Variants in GEMIN4 observed in about 807,000 individuals in gnomAD.
GEMIN4 encodes gem-associated protein 4.
A neutral mutation model predicts 76.8 loss-of-function variants in GEMIN4; 59 were observed. The observed-to-expected ratio is 0.77, with a 90% CI of 0.62 to 0.95. GEMIN4 has a LOEUF of 0.95. Ranked by LOEUF, GEMIN4 falls within the 40% of genes least tolerant of loss-of-function variation. GEMIN4 has a pLI of 0.00. For missense variants in GEMIN4, 1,311 were observed against 1,318.9 expected, an observed-to-expected ratio of 0.99 and a Z score of 0.09; for synonymous variants, 562 against 559.7, an observed-to-expected ratio of 1.00 and a Z score of -0.06.
In GEMIN4 at chr17:752,229, G is replaced by A; in HGVS notation, c.-87C>T. ...GCGCGGGACGCACGGCACGATGGGA[G>A]ACGCAGGAGCCACGGCGGCCGCGCT... On this transcript the variant is annotated 5_prime_UTR_variant, in exon 1 of 2. Transcript: ENST00000319004. 1 of 1,229,076 alleles carries A rather than the reference G, an allele frequency of 8.1e-7. No homozygotes were observed. The highest frequency in any genetic ancestry group is 4.1e-5 in the South Asian group (1 of 24,274). 76.1% of individuals were successfully genotyped at this position (1,229,076 alleles called of 1,614,324 possible). A position where few individuals can be genotyped will look rare whatever the true frequency, so the allele number is the denominator to read the frequency against.
rs1974336464 is a variant in GEMIN4, at chr17:745,042, G to A, written c.3001C>T (p.Leu1001Phe). Reference protein sequence around the residue: ...AMLHPEVCEPLYVLALETLTC... With the variant: ...AMLHPEVCEPFYVLALETLTC... ...AGGGTTTCCAAGGCTAAAACGTAGA[G>A]TGGCTCACAGACCTCCGGGTGGAGC... Residue 1001 changes from leucine (L) to phenylalanine (F), a missense_variant, in exon 2 of 2, where the codon CTC (leucine) becomes TTC (phenylalanine). This residue lies in a region of GEMIN4 where 1,208 missense variants were observed against 1,166.9 expected (regional missense o/e 1.04). Coordinates refer to ENST00000319004, the MANE Select transcript of GEMIN4 (RefSeq NM_015721.3). The surrounding 1 kb of genome is among the most constrained non-coding windows in gnomAD (Gnocchi z 4.6). The A allele has an allele frequency of 6.2e-7, 1 of 1,613,878 alleles. No individual in the cohort carries two copies. Among genetic ancestry groups the A allele is most frequent in the Admixed American group, 1.7e-5 (1 of 60,002 alleles).
Position 746,213 on chromosome 17 carries a change from G to A in GEMIN4, c.1830C>T (p.Thr610=), listed in dbSNP as rs758056773. The change falls in exon 2 of 2, where the codon ACC becomes ACT. Residue 610 remains threonine, a synonymous_variant. Transcript: ENST00000319004. This position sits in a 1 kb window ranked among gnomAD's most constrained non-coding sequence, Gnocchi z 4.3. ...TGGGTGTAGAGAACTTCATCCAGACGGTTTCTTTGAGGCATGACACCATGA... is the reference window on the plus strand; with the variant it reads ...TGGGTGTAGAGAACTTCATCCAGACAGTTTCTTTGAGGCATGACACCATGA... The part of the protein sequence containing the change: ...ATFMVSCLKE[T]VWMKFSTPKE... 15 of 1,613,654 alleles carry A rather than the reference G, an allele frequency of 9.3e-6. No individual in the cohort carries two copies. The highest frequency in any genetic ancestry group is 4.4e-5 in the South Asian group (4 of 91,082).
In GEMIN4 at chr17:745,296, A is replaced by AG; in HGVS notation, c.2746dup (p.Leu916ProfsTer11). ...GCTGCAGAGAAACTGGAAAGTCCTCAGGAAGAGGACGGAGAGTTGCAACTC... is the reference window on the plus strand; with the variant it reads ...GCTGCAGAGAAACTGGAAAGTCCTCAGGGAAGAGGACGGAGAGTTGCAACTC... On this transcript the variant is annotated frameshift_variant, in exon 2 of 2. Coordinates refer to ENST00000319004, the MANE Select transcript of GEMIN4 (RefSeq NM_015721.3). LOFTEE classifies it high-confidence loss of function. The surrounding 1 kb of genome is among the most constrained non-coding windows in gnomAD (Gnocchi z 4.6). 3 of 1,611,914 alleles carry AG rather than the reference A, an allele frequency of 1.9e-6. No individual in the cohort carries two copies. The highest frequency in any genetic ancestry group is 2.2e-5 in the South Asian group (2 of 90,978).
Position 747,220 on chromosome 17 carries a change from C to T in GEMIN4, c.823G>A (p.Val275Met), listed in dbSNP as rs759122680. 2.5e-6 allele frequency: 4 copies of T among 1,613,750 alleles called. No homozygotes were observed. The highest frequency in any genetic ancestry group is 1.1e-5 in the South Asian group (1 of 91,084). Reference protein sequence around the residue: ...YLDKLATVISVWNSDTQNPYH... With the variant: ...YLDKLATVISMWNSDTQNPYH... ...GGATTCTGGGTGTCCGAGTTCCACA[C>T]AGAGATCACCGTGGCCAGTTTGTCC... The change falls in exon 2 of 2, where the codon GTG (valine) becomes ATG (methionine). Residue 275 changes from valine (V) to methionine (M), a missense_variant. Transcript: ENST00000319004.
At chr17:748,126 G>C (rs888734551) in intron 1 of GEMIN4, 94 bp from the exon 2 acceptor site, 4 of 964,240 alleles carry the variant, frequency 4.1e-6, no homozygotes, top group Non-Finnish European at 6.1e-6. Context: ...GATGACAAGG[G>C]TTTTAAAGGA....
chr17:747,455 G>C lies in GEMIN4; in HGVS notation c.588C>G (p.Phe196Leu), dbSNP rs200591358. 1 of 1,613,852 alleles carries C rather than the reference G, an allele frequency of 6.2e-7. No individual in the cohort carries two copies. The highest frequency in any genetic ancestry group is 1.3e-5 in the African/African-American group (1 of 75,052). The change falls in exon 2 of 2, where the codon TTC becomes TTG. Residue 196 changes from phenylalanine (F) to leucine (L), a missense_variant. By Grantham distance (22) the Phe-to-Leu change is conservative. Coordinates refer to ENST00000319004, the MANE Select transcript of GEMIN4 (RefSeq NM_015721.3). Reference sequence around the variant, plus strand: ...ACCTAAGCCTCTTTGGAGGATGGGGGAACTCATCTAAGGCAGGCAGGTACT... The same window carrying C: ...ACCTAAGCCTCTTTGGAGGATGGGGCAACTCATCTAAGGCAGGCAGGTACT... ...AHKYLPALDE[F>L]PHPPKRLRSD...
rs756309471 is a variant in GEMIN4 at position 745,107 on chromosome 17, TAAAC to T, written c.2932_2935del (p.Val978ThrfsTer26). The T allele has an allele frequency of 6.2e-7, 1 of 1,611,942 alleles. No individual in the cohort carries two copies. Among genetic ancestry groups the T allele is most frequent in the Non-Finnish European group, 8.5e-7 (1 of 1,179,136 alleles). ...CAGAGCATGGCAGAACACCTGGGTGTAAACAAACAGGGCTTCCTGGGTCAGGTCC... is the reference window on the plus strand; with the variant it reads ...CAGAGCATGGCAGAACACCTGGGTGTAAACAGGGCTTCCTGGGTCAGGTCC... On this transcript the variant is annotated frameshift_variant, in exon 2 of 2. Transcript: ENST00000319004. LOFTEE classifies it high-confidence loss of function. This position sits in a 1 kb window ranked among gnomAD's most constrained non-coding sequence, Gnocchi z 4.6.
rs1431402585 is a variant in GEMIN4 at position 747,848 on chromosome 17, C to T, written c.195G>A (p.Trp65Ter). 3.7e-6 allele frequency: 6 copies of T among 1,613,646 alleles called. No homozygotes were observed. ...SAAAHSQPFA[W>*]KKKALIIIWA... ...AGATGATGATCAGGGCTTTCTTCTT[C>T]CAGGCAAAGGGCTGGGAGTGTGCTG... The change falls in exon 2 of 2, where the codon TGG (tryptophan) becomes TGA (stop). Residue 65 changes from tryptophan (W) to a stop codon, truncating the protein, a stop_gained. Transcript: ENST00000319004. LOFTEE classifies it high-confidence loss of function.
intron 1 of GEMIN4, chr17:748,655 GGT>G: frequency 4.3e-6 from 1 of 230,676 alleles, no homozygotes; most frequent in Non-Finnish European, 8.7e-6. Flanking sequence ...ATAGCCACAG[GGT>G]AATGGGCACA....
Position 745,767 on chromosome 17 carries a change from A to G in GEMIN4, c.2276T>C (p.Leu759Pro). Reference sequence around the variant, plus strand: ...GTCTAGCTGTTCTAACTTGCGGTGGAGCCAGGACAGGGACTTGATCCAGAC... The same window carrying G: ...GTCTAGCTGTTCTAACTTGCGGTGGGGCCAGGACAGGGACTTGATCCAGAC... The part of the protein sequence containing the change: ...PDVWIKSLSW[L>P]HRKLEQLDWT... Residue 759 changes from leucine to proline, a missense_variant, in exon 2 of 2, where the codon CTC becomes CCC. Coordinates refer to ENST00000319004, the MANE Select transcript of GEMIN4 (RefSeq NM_015721.3). The surrounding 1 kb of genome is among the most constrained non-coding windows in gnomAD (Gnocchi z 4.6). The G allele has an allele frequency of 6.2e-7, 1 of 1,611,394 alleles. No individual in the cohort carries two copies. Among genetic ancestry groups the G allele is most frequent in the African/African-American group, 1.3e-5 (1 of 74,982 alleles).
chr17:746,700 A>T lies in GEMIN4; in HGVS notation c.1343T>A (p.Phe448Tyr). Residue 448 changes from phenylalanine (F) to tyrosine (Y), a missense_variant, in exon 2 of 2, where the codon TTC becomes TAC. By Grantham distance (22) the Phe-to-Tyr change is conservative. Around this residue, in one of 2 missense-constraint regions of GEMIN4, gnomAD observed 1,208 missense variants for 1,166.9 expected, o/e 1.04. Transcript: ENST00000319004. The surrounding 1 kb of genome is among the most constrained non-coding windows in gnomAD (Gnocchi z 4.3). ...VACLGSNRALFRQPDLVLRLL... is the reference protein window; with the variant it reads ...VACLGSNRALYRQPDLVLRLL... ...CCTCAACACCAAGTCTGGCTGTCGGAAGAGGGCCCTGTTACTCCCCAGGCA... is the reference window on the plus strand; with the variant it reads ...CCTCAACACCAAGTCTGGCTGTCGGTAGAGGGCCCTGTTACTCCCCAGGCA... 1 of 1,613,580 alleles carries T rather than the reference A, an allele frequency of 6.2e-7. No homozygotes were observed. Among genetic ancestry groups the T allele is most frequent in the Non-Finnish European group, 8.5e-7 (1 of 1,179,880 alleles).
In GEMIN4 at chr17:747,281, C is replaced by T. The variant is rs1974468592; in HGVS notation, c.762G>A (p.Glu254=). The change falls in exon 2 of 2, where the codon GAG becomes GAA. Residue 254 remains glutamate, a synonymous_variant. Transcript: ENST00000319004. ...TTGCAGACACCTCCTGGGGGTCGTCCTCTGTCAGCGCAAACACAGTCAGCA... is the reference window on the plus strand; with the variant it reads ...TTGCAGACACCTCCTGGGGGTCGTCTTCTGTCAGCGCAAACACAGTCAGCA... ...ADMLTVFALT[E]DDPQEVSATV... 1.2e-6 allele frequency: 2 copies of T among 1,613,682 alleles called. No homozygotes were observed. The highest frequency in any genetic ancestry group is 2.2e-5 in the East Asian group (1 of 44,890).
In GEMIN4 at chr17:746,852, C is replaced by T; in HGVS notation, c.1191G>A (p.Arg397=). The stretch of plus-strand genomic sequence containing the variant: ...TGGAAGCTGTGATATCCTCCAAGGC[C>T]CTGTTCTTCAGCACCGTGCTCGTTT... ...LRKTSTVLKN[R]ALEDITASIA... The change falls in exon 2 of 2, where the codon AGG becomes AGA. Residue 397 remains arginine (R), a synonymous_variant. Transcript: ENST00000319004. The surrounding 1 kb of genome is among the most constrained non-coding windows in gnomAD (Gnocchi z 4.3). 3.1e-6 allele frequency: 5 copies of T among 1,613,768 alleles called. No homozygotes were observed. Among genetic ancestry groups the T allele is most frequent in the Non-Finnish European group, 2.5e-6 (3 of 1,179,732 alleles).
At chr17:750,816 G>A (rs571847174) in intron 1 of GEMIN4, among the ~76,000 whole-genome samples, 120 of 152,330 alleles carry the variant, frequency 7.9e-4, no homozygotes, top group African/African-American at 2.8e-3. Flanking sequence ...CACTTGTGGA[G>A]GCAATCCATC....
At chr17:753,039 C>T, upstream of GEMIN4, 1 of 164,960 alleles carries the variant, frequency 6.1e-6, no homozygotes, top group Admixed American at 6.5e-5. Flanking sequence ...AGAGCCAGGG[C>T]CAAGTGGGAG....
Position 752,150 on chromosome 17 carries a change from A to T in GEMIN4, c.-8T>A. 1 of 1,236,980 alleles carries T rather than the reference A, an allele frequency of 8.1e-7. No individual in the cohort carries two copies. Among genetic ancestry groups the T allele is most frequent in the Non-Finnish European group, 1.0e-6 (1 of 990,152 alleles). The allele number at this position is 1,236,980 out of a possible 1,614,324, so 76.6% of individuals were successfully genotyped here. A position where few individuals can be genotyped will look rare whatever the true frequency, so the allele number is the denominator to read the frequency against. On this transcript the variant is annotated 5_prime_UTR_variant, in exon 1 of 2. Coordinates refer to ENST00000319004, the MANE Select transcript of GEMIN4 (RefSeq NM_015721.3). ...GCACCCACCTAGGTCCATGGCGGCG[A>T]CGCCGGCGGCTGCGCGGGGCTAACG...
chr17:752,454 G>A (rs1904792252), upstream of GEMIN4, among the ~76,000 whole-genome samples: 1 of 152,012 alleles, frequency 6.6e-6, no homozygotes, highest in African/African-American at 2.4e-5. Context: ...CCAGCGGGTC[G>A]GGCTCATGAT....
rs1904513021 is a variant in GEMIN4 at position 749,409 on chromosome 17, T to C, written c.11-1377A>G. ...CACAGGATAATGGGCACAGCAGCAA[T>C]CACACAGCCACAGGGTAATGGGCAC... On this transcript the variant is annotated intron_variant, in intron 1 of 1. Coordinates refer to ENST00000319004, the MANE Select transcript of GEMIN4 (RefSeq NM_015721.3). The C allele has an allele frequency of 1.4e-5, 2 of 141,510 alleles. 1 individual carries two copies. The highest frequency in any genetic ancestry group is 2.1e-4 in the South Asian group (2 of 9,434). 8.8% of individuals were successfully genotyped at this position (141,510 alleles called of 1,614,324 possible). A position where few individuals can be genotyped will look rare whatever the true frequency, so the allele number is the denominator to read the frequency against.
intron 1 of GEMIN4, chr17:751,919 G>A (rs962299986): frequency 1.0e-4 from 40 of 384,028 alleles, no homozygotes; most frequent in Middle Eastern, 6.5e-4. Context: ...AAGCGCAGGG[G>A]GCCGGAGGCG....
Sources: gnomAD v4.1 joint callset for allele counts (sites outside exome capture counted in the v4.1 genomes callset) on GRCh38, gnomAD v4.1.1 for gene constraint, gnomAD v4.1.1 regional missense constraint, Gnocchi (gnomAD v3.1) non-coding constraint, MANE v1.5 for transcripts, NCBI Gene and HGNC (gene_info 2026-07-23, HGNC 2026-07-21) for gene names.